Variants in AR observed in about 807,000 individuals in gnomAD.
The protein encoded by AR is androgen receptor, also known as dihydrotestosterone receptor.
A neutral mutation model predicts 53.9 loss-of-function variants in AR; 8 were observed. The observed-to-expected ratio is 0.15, with a 90% CI of 0.09 to 0.27. The LOEUF is 0.27. Ranked by LOEUF, AR falls within the 10% of genes least tolerant of loss-of-function variation. AR has a pLI of 1.00. For synonymous variants in AR, 359 were observed against 316.4 expected (o/e 1.13, Z -1.43); for missense variants, 639 against 742.5 (o/e 0.86, Z 1.62).
In AR at chrX:67,721,963, A is replaced by G. The variant is rs2147536123; in HGVS notation, c.2449A>G (p.Ile817Val). The G allele has an allele frequency of 8.3e-7, 1 of 1,211,309 alleles. No individual in the cohort carries two copies. The highest frequency in any genetic ancestry group is 1.1e-6 in the Non-Finnish European group (1 of 895,255). ...CMKALLLFSI[I>V]PVDGLKNQKF... ...GAAAGCACTGCTACTCTTCAGCATT[A>G]GTAAGTGCCTAGAAGTGCAGGGAAT... The change falls in exon 6 of 8, where the codon ATT becomes GTT. Residue 817 changes from isoleucine to valine, a missense_variant and splice_region_variant. Transcript: ENST00000374690.
intron 1 of AR, among the ~76,000 whole-genome samples, chrX:67,562,532 A>T (rs1921377632): frequency 8.9e-6 from 1 of 111,771 alleles, no homozygotes; most frequent in African/African-American, 3.3e-5. Context: ...AAAGCAGCTG[A>T]TCCTCTGGAT....
At chrX:67,696,812 T>C (rs57579544) in intron 3 of AR, among the ~76,000 whole-genome samples, 16,854 of 111,074 alleles carry the variant, frequency 0.15, 1,640 homozygotes, top group African/African-American at 0.35. Flanking sequence ...CATTTCCCAC[T>C]ACTGATCCTT....
At chrX:67,705,939 C>T (rs2076064902) in intron 3 of AR, among the ~76,000 whole-genome samples, 1 of 111,701 alleles carries the variant, frequency 9.0e-6, no homozygotes, top group African/African-American at 3.3e-5. Flanking sequence ...TTTGTATGCT[C>T]AATTACATTT....
intron 2 of AR, among the ~76,000 whole-genome samples, chrX:67,675,229 G>A (rs1434317547): frequency 1.9e-5 from 2 of 108,001 alleles, no homozygotes. Flanking sequence ...GAATGAGTCC[G>A]CCCTGGAGTT....
At chrX:67,593,704 C>A (rs1049590225) in intron 1 of AR, among the ~76,000 whole-genome samples, 1 of 112,091 alleles carries the variant, frequency 8.9e-6, no homozygotes, top group Non-Finnish European at 1.9e-5. Flanking sequence ...TAAAAAAGAT[C>A]TGGACTATTT....
chrX:67,610,080 C>G (rs978687836), intron 1 of AR, among the ~76,000 whole-genome samples: 5 of 111,239 alleles, frequency 4.5e-5, no homozygotes, highest in Non-Finnish European at 9.4e-5. Flanking sequence ...ATTGGCTGTC[C>G]TTGTACTTAG....
intron 2 of AR, among the ~76,000 whole-genome samples, chrX:67,660,032 A>G (rs1926802033): frequency 8.9e-6 from 1 of 111,778 alleles, no homozygotes; most frequent in African/African-American, 3.3e-5. Context: ...GTGTCTGTTC[A>G]TATCCTTTGC....
At position 67,693,630 on chromosome X, in the gene AR, T is replaced by G. The variant is rs142771866; in HGVS notation, c.1885+7504T>G. On this transcript the variant is annotated intron_variant, in intron 3 of 7. Coordinates refer to ENST00000374690, the MANE Select transcript of AR (RefSeq NM_000044.6). Reference sequence around the variant, plus strand: ...TTGCACATCTTTTGGGATCACGTTGTTAAGAAGTAGAACTAAGGGAAAAAC... The same window carrying G: ...TTGCACATCTTTTGGGATCACGTTGGTAAGAAGTAGAACTAAGGGAAAAAC... Among the ~76,000 whole-genome samples, 732 of 111,840 alleles carry G rather than the reference T, an allele frequency of 6.5e-3. 2 individuals carry two copies. The highest frequency in any genetic ancestry group is 7.0e-3 in the Non-Finnish European group (371 of 53,164).
intron 1 of AR, among the ~76,000 whole-genome samples, chrX:67,563,110 T>G (rs1921407316): frequency 8.9e-6 from 1 of 111,895 alleles, no homozygotes; most frequent in Non-Finnish European, 1.9e-5. Context: ...TTTTAACAAT[T>G]TAAAAGCCTA....
In AR at chrX:67,659,059, C is replaced by T. The variant is rs1336953945; in HGVS notation, c.1768+15652C>T. On this transcript the variant is annotated intron_variant, in intron 2 of 7. Coordinates refer to ENST00000374690, the MANE Select transcript of AR (RefSeq NM_000044.6). Reference sequence around the variant, plus strand: ...TTAGGTAGAGACTCCAACATCATTACAGAACTATAAATTACATGTGGAAAA... The same window carrying T: ...TTAGGTAGAGACTCCAACATCATTATAGAACTATAAATTACATGTGGAAAA... Among the ~76,000 whole-genome samples, 3 of 110,442 alleles carry T rather than the reference C, an allele frequency of 2.7e-5. No homozygotes were observed. The East Asian group carries it at 8.7e-4, about 32-fold the overall frequency.
intron 1 of AR, among the ~76,000 whole-genome samples, chrX:67,632,344 C>A (rs376528693): frequency 1.9e-5 from 2 of 104,020 alleles, no homozygotes; most frequent in Admixed American, 1.0e-4. Context: ...TCTCCTGGTG[C>A]GCCGTTTTTT....
At chrX:67,713,068 T>C (rs1177320589) in intron 4 of AR, among the ~76,000 whole-genome samples, 1 of 112,062 alleles carries the variant, frequency 8.9e-6, no homozygotes, top group African/African-American at 3.2e-5. Flanking sequence ...TCTATTCCAC[T>C]CCACCTGTAG....
intron 2 of AR, among the ~76,000 whole-genome samples, chrX:67,670,542 A>G (rs900173046): frequency 1.6e-4 from 17 of 107,087 alleles, no homozygotes; most frequent in African/African-American, 5.7e-4. Flanking sequence ...TACATAAAGC[A>G]TATATATAGT....
At chrX:67,689,392 G>A (rs1261174679) in intron 3 of AR, among the ~76,000 whole-genome samples, 1 of 111,444 alleles carries the variant, frequency 9.0e-6, no homozygotes, top group Admixed American at 9.6e-5. Flanking sequence ...TTCAGCTGAT[G>A]GCTGCTTGGT....
intron 1 of AR, among the ~76,000 whole-genome samples, chrX:67,586,402 C>A (rs1412514070): frequency 8.9e-6 from 1 of 111,867 alleles, no homozygotes; most frequent in Non-Finnish European, 1.9e-5. Flanking sequence ...CTGGAAACAT[C>A]CCAATTCAAA....
intron 1 of AR, among the ~76,000 whole-genome samples, chrX:67,593,313 G>C (rs889388998): frequency 2.7e-5 from 3 of 109,420 alleles, no homozygotes. Flanking sequence ...TGGCCGCTTT[G>C]GGTTGGTGTC....
intron 3 of AR, among the ~76,000 whole-genome samples, chrX:67,698,342 G>A (rs1047548637): frequency 1.8e-5 from 2 of 112,348 alleles, no homozygotes; most frequent in Non-Finnish European, 3.8e-5. Context: ...CCACAAACTG[G>A]CTTCCCCAGA....
At chrX:67,675,984 A>G (rs1160527385) in intron 2 of AR, among the ~76,000 whole-genome samples, 4 of 111,869 alleles carry the variant, frequency 3.6e-5, no homozygotes, top group Non-Finnish European at 7.5e-5. Context: ...TAGAAAATTC[A>G]TTTGACCCTT....
chrX:67,726,756 C>A lies in AR; in HGVS notation c.*2915C>A, dbSNP rs921110374. ...AGGAGGATTTTTTTTTTCTTTTGGC[C>A]ATTGATGTTCTAGCCAATGTAATTG... On this transcript the variant is annotated 3_prime_UTR_variant, in exon 8 of 8. Coordinates refer to ENST00000374690, the MANE Select transcript of AR (RefSeq NM_000044.6). The A allele has an allele frequency of 6.4e-5, 11 of 173,042 alleles. No individual in the cohort carries two copies. The highest frequency in any genetic ancestry group is 1.1e-4 in the Non-Finnish European group (10 of 91,086). The allele number at this position is 173,042 out of a possible 1,213,427, so 14.3% of individuals were successfully genotyped here.
Sources: allele counts gnomAD v4.1 joint callset (sites outside exome capture counted in the v4.1 genomes callset), GRCh38; gene constraint gnomAD v4.1.1; transcripts MANE v1.5; gene names NCBI Gene and HGNC (gene_info 2026-07-23, HGNC 2026-07-21).